Variants in LDLRAP1 observed in about 807,000 individuals in gnomAD.
The protein encoded by LDLRAP1 is low density lipoprotein receptor adapter protein 1.
A neutral mutation model predicts 37.8 loss-of-function variants in LDLRAP1; 30 were observed. That is an observed-to-expected ratio of 0.79 (90% CI 0.59 to 1.08). The LOEUF is 1.08. Among genes scored for constraint, LDLRAP1 ranks in the 50% least tolerant of loss-of-function variants. LDLRAP1 has a pLI of 0.00. For missense variants in LDLRAP1, 375 were observed against 401.6 expected (o/e 0.93, Z 0.57); for synonymous variants, 156 against 169.8 (o/e 0.92, Z 0.63).
At chr1:25,563,881 C>T in intron 7 of LDLRAP1, 90 bp downstream of exon 7, 7 of 1,570,070 alleles carry the variant, frequency 4.5e-6, no homozygotes, top group South Asian at 1.1e-5. Context: ...CCCTGGGACC[C>T]GTGACTTGTG....
chr1:25,566,762 G>A, intron 8 of LDLRAP1, 86 bp from the exon 9 acceptor site: 1 of 1,519,228 alleles, frequency 6.6e-7, no homozygotes, highest in South Asian at 1.2e-5. Flanking sequence ...GTGCCCTGCT[G>A]TTCCCCACTG....
the LDLRAP1 span, among the ~76,000 whole-genome samples, chr1:25,583,152 C>T: frequency 6.7e-6 from 1 of 148,824 alleles, no homozygotes; most frequent in East Asian, 2.0e-4. Flanking sequence ...CTTTGCTCCT[C>T]TGTAGGTGAG....
downstream of LDLRAP1, among the ~76,000 whole-genome samples, chr1:25,571,211 T>C (rs1572067135): frequency 6.6e-6 from 1 of 152,196 alleles, no homozygotes; most frequent in Non-Finnish European, 1.5e-5. Context: ...CCAGTGGGTG[T>C]CTCCACAGGC....
In LDLRAP1 at chr1:25,567,235, G is replaced by A; in HGVS notation, c.*243G>A. The A allele has an allele frequency of 1.7e-6, 1 of 571,834 alleles. No individual in the cohort carries two copies. Among genetic ancestry groups the A allele is most frequent in the Non-Finnish European group, 3.2e-6 (1 of 316,860 alleles). 35.4% of individuals were successfully genotyped at this position (571,834 alleles called of 1,614,324 possible). ...AGTGACTTCTGGCTTATGCTCAGAA[G>A]CCAGTCTGCGTCAGGCACGTCTCCT... On this transcript the variant is annotated 3_prime_UTR_variant, in exon 9 of 9. Coordinates refer to ENST00000374338, the MANE Select transcript of LDLRAP1 (RefSeq NM_015627.3).
downstream of LDLRAP1, among the ~76,000 whole-genome samples, chr1:25,569,760 A>G (rs1557716661): frequency 6.6e-6 from 1 of 152,214 alleles, no homozygotes; most frequent in Non-Finnish European, 1.5e-5. Flanking sequence ...GGTTGTGCTG[A>G]GCGCAGATGG....
In LDLRAP1 at chr1:25,554,564, A is replaced by C. The variant is rs914595280; in HGVS notation, c.232-296A>C. Among the ~76,000 whole-genome samples, 1 of 152,230 alleles carries C rather than the reference A, an allele frequency of 6.6e-6. No homozygotes were observed. Among genetic ancestry groups the C allele is most frequent in the Admixed American group, 6.5e-5 (1 of 15,284 alleles). On this transcript the variant is annotated intron_variant, in intron 2 of 8. Transcript: ENST00000374338. The surrounding 1 kb of genome is among the most constrained non-coding windows in gnomAD (Gnocchi z 5.4). The stretch of plus-strand genomic sequence containing the variant: ...CTAGCTCATTCAGTGCCGAGTCTGC[A>C]GGCCCTTCTAGCTGTGTGTCCTTGG...
chr1:25,567,362 G>A lies in LDLRAP1; in HGVS notation c.*370G>A, dbSNP rs993966947. The A allele has an allele frequency of 5.8e-6, 2 of 344,432 alleles. No individual in the cohort carries two copies. The highest frequency in any genetic ancestry group is 1.1e-5 in the Non-Finnish European group (2 of 178,920). 21.3% of individuals were successfully genotyped at this position (344,432 alleles called of 1,614,324 possible). ...CAGGACTGTGACCAAAGCATTTCTA[G>A]TCCCTTCTCTCTTTCTAAGGACCCA... On this transcript the variant is annotated 3_prime_UTR_variant, in exon 9 of 9. Transcript: ENST00000374338.
At chr1:25,564,973 A>G (rs2124696207) in intron 7 of LDLRAP1, 200 bp from the exon 8 acceptor site, 2 of 617,106 alleles carry the variant, frequency 3.2e-6, no homozygotes, top group East Asian at 2.8e-5. Context: ...CTCCTCTCCC[A>G]CGTCTCCAGC....
chr1:25,546,592 C>T lies in LDLRAP1; in HGVS notation c.88+2806C>T, dbSNP rs576795058. Among the ~76,000 whole-genome samples, 10 of 152,258 alleles carry T rather than the reference C, an allele frequency of 6.6e-5. No individual in the cohort carries two copies. In the East Asian group the frequency reaches 1.9e-3, roughly 29 times the overall value. ...TGCCTGGAAGAGGGGCTCACCTTGG[C>T]CCCTCAGCACTCTTTCCAGAGGTAC... On this transcript the variant is annotated intron_variant, in intron 1 of 8. Coordinates refer to ENST00000374338, the MANE Select transcript of LDLRAP1 (RefSeq NM_015627.3).
At chr1:25,583,592 C>T in the LDLRAP1 span, among the ~76,000 whole-genome samples, 1 of 152,116 alleles carries the variant, frequency 6.6e-6, no homozygotes, top group Non-Finnish European at 1.5e-5. Flanking sequence ...GCTTGGTATT[C>T]TCTGAGCTTC....
rs779084062 is a variant in LDLRAP1 at position 25,566,856 on chromosome 1, A to G, written c.791A>G (p.Gln264Arg). 3.1e-6 allele frequency: 5 copies of G among 1,609,852 alleles called. No individual in the cohort carries two copies. In the Admixed American group the frequency reaches 8.4e-5, roughly 27 times the overall value. ...ACAGCTCTGCCTTCCAGGCTTGCCC[A>G]GTCTCGGACAAACCCTCAGGTCCTG... ...GLDEAFSRLAQSRTNPQVLDT... is the reference protein window; with the variant it reads ...GLDEAFSRLARSRTNPQVLDT... Residue 264 changes from glutamine to arginine, a missense_variant, in exon 9 of 9, where the codon CAG becomes CGG. Coordinates refer to ENST00000374338, the MANE Select transcript of LDLRAP1 (RefSeq NM_015627.3).
chr1:25,577,681 G>A, the LDLRAP1 span, among the ~76,000 whole-genome samples: 1 of 152,216 alleles, frequency 6.6e-6, no homozygotes, highest in Non-Finnish European at 1.5e-5. Context: ...GGCACCTGGC[G>A]GGGACAAGAC....
In LDLRAP1 at chr1:25,563,050, G is replaced by T. The variant is rs1452035041; in HGVS notation, c.533-20G>T. ...GTGCTGGGGTCTGAGGCTCCAACAT[G>T]TTGTGCCTTGGTCCTGCAGAGAAAG... is the stretch of plus-strand genomic sequence containing the variant. On this transcript the variant is annotated intron_variant, in intron 5 of 8. Transcript: ENST00000374338. The T allele has an allele frequency of 6.2e-7, 1 of 1,612,136 alleles. No homozygotes were observed. Among genetic ancestry groups the T allele is most frequent in the Non-Finnish European group, 8.5e-7 (1 of 1,178,184 alleles).
At chr1:25,582,031 G>A in the LDLRAP1 span, among the ~76,000 whole-genome samples, 1 of 152,196 alleles carries the variant, frequency 6.6e-6, no homozygotes, top group Admixed American at 6.5e-5. Context: ...ACCCAGCGCA[G>A]GCCTGGGCTT....
chr1:25,559,837 G>A (rs565618077), intron 4 of LDLRAP1, among the ~76,000 whole-genome samples: 10 of 152,322 alleles, frequency 6.6e-5, no homozygotes, highest in South Asian at 2.1e-4. Context: ...TGGCAGCTCC[G>A]CCACAGAGGT....
chr1:25,584,801 G>C, the LDLRAP1 span, among the ~76,000 whole-genome samples: 409 of 152,304 alleles, frequency 2.7e-3, 1 homozygote, highest in Non-Finnish European at 4.5e-3. Flanking sequence ...TTCAGGATTT[G>C]GGGTGTTCTG....
chr1:25,555,635 G>C lies in LDLRAP1; in HGVS notation c.344+663G>C, dbSNP rs149074135. 2.6e-5 allele frequency among the ~76,000 whole-genome samples: 4 copies of C among 152,326 alleles called. No homozygotes were observed. Among genetic ancestry groups the C allele is most frequent in the African/African-American group, 9.6e-5 (4 of 41,578 alleles). On this transcript the variant is annotated intron_variant, in intron 3 of 8. Transcript: ENST00000374338. The surrounding 1 kb of genome is among the most constrained non-coding windows in gnomAD (Gnocchi z 4.7). ...CCAGAGCCCTGTCCAGCAGGCTCCC[G>C]TCTGCCTGGCATCCCTCCACCCTCT...
intron 1 of LDLRAP1, among the ~76,000 whole-genome samples, chr1:25,546,273 A>G (rs963436624): frequency 5.9e-5 from 9 of 152,070 alleles, no homozygotes; most frequent in African/African-American, 1.7e-4. Flanking sequence ...TTAGACTCGA[A>G]CCCTGCTCTC....
rs1175372093 is a variant in LDLRAP1 at position 25,562,859 on chromosome 1, C to T, written c.532+143C>T. On this transcript the variant is annotated intron_variant, in intron 5 of 8. Transcript: ENST00000374338. ...CAGGTCCCTTCACCGCTCAGAGTCT[C>T]GGTTTTCCCATCTGAAAAATGGGAA... The T allele has an allele frequency of 2.0e-5, 17 of 834,352 alleles. No individual in the cohort carries two copies. In the Admixed American group the frequency reaches 2.4e-4, roughly 12 times the overall value. 51.7% of individuals were successfully genotyped at this position (834,352 alleles called of 1,614,324 possible).
Sources: allele counts gnomAD v4.1 joint callset (sites outside exome capture counted in the v4.1 genomes callset), GRCh38; gene constraint gnomAD v4.1.1; non-coding constraint Gnocchi (gnomAD v3.1); transcripts MANE v1.5; gene names NCBI Gene and HGNC (gene_info 2026-07-23, HGNC 2026-07-21).